JARID2: variants seen among roughly 807,000 people sequenced by gnomAD.
JARID2 encodes protein Jumonji.
In JARID2, 21 loss-of-function variants were observed where a neutral mutation model predicts 125.6. The observed-to-expected ratio is 0.17, with a 90% CI of 0.12 to 0.24. JARID2 has a LOEUF of 0.24. Among genes scored for constraint, JARID2 ranks in the 10% least tolerant of loss-of-function variants. JARID2 has a pLI of 1.00. For synonymous variants in JARID2, 736 were observed against 661.6 expected, an observed-to-expected ratio of 1.11 and a Z score of -1.73; for missense variants, 1,303 against 1,639.6, an observed-to-expected ratio of 0.79 and a Z score of 3.55.
At position 15,405,962 on chromosome 6, in the gene JARID2, C is replaced by T. The variant is rs985965582; in HGVS notation, c.182-4262C>T. 4.6e-5 allele frequency among the ~76,000 whole-genome samples: 7 copies of T among 152,000 alleles called. No homozygotes were observed. The East Asian group carries it at 1.2e-3, about 25-fold the overall frequency. ...GGTAGCCAGTACAGTGGAGATTGGT[C>T]GCCAGCGGGGGGGTTAGATAAAGAA... On this transcript the variant is annotated intron_variant, in intron 2 of 17. Coordinates refer to ENST00000341776, the MANE Select transcript of JARID2 (RefSeq NM_004973.4).
At chr6:15,305,135 G>A (rs1761773719) in intron 1 of JARID2, among the ~76,000 whole-genome samples, 1 of 152,166 alleles carries the variant, frequency 6.6e-6, no homozygotes, top group South Asian at 2.1e-4. Flanking sequence ...GCCTGGGCTT[G>A]AGGAAGTTGT....
intron 1 of JARID2, among the ~76,000 whole-genome samples, chr6:15,320,275 A>G (rs938283320): frequency 1.3e-5 from 2 of 152,234 alleles, no homozygotes; most frequent in Non-Finnish European, 2.9e-5. Context: ...AGACACAGGT[A>G]AGGTGTTGGT....
At chr6:15,480,230 C>T (rs554895772) in intron 5 of JARID2, among the ~76,000 whole-genome samples, 43 of 152,188 alleles carry the variant, frequency 2.8e-4, no homozygotes, top group African/African-American at 9.2e-4. Context: ...GGGGTTAGTT[C>T]GGTCCCATCT....
chr6:15,473,243 T>C (rs1046291567), intron 5 of JARID2, among the ~76,000 whole-genome samples: 29 of 152,188 alleles, frequency 1.9e-4, no homozygotes, highest in African/African-American at 6.5e-4. Flanking sequence ...TAAGATTAAC[T>C]TCTGTATAAA....
At chr6:15,279,897 A>G (rs1760685180) in intron 1 of JARID2, among the ~76,000 whole-genome samples, 1 of 152,198 alleles carries the variant, frequency 6.6e-6, no homozygotes, top group South Asian at 2.1e-4. Flanking sequence ...TTGTTATCCT[A>G]ATTTTGCATT....
intron 3 of JARID2, among the ~76,000 whole-genome samples, chr6:15,436,580 T>G (rs1188467331): frequency 6.6e-6 from 1 of 152,132 alleles, no homozygotes; most frequent in Non-Finnish European, 1.5e-5. Flanking sequence ...CTTCCTCACT[T>G]AGGTCTTGGG....
chr6:15,433,261 T>C (rs1767044389), intron 3 of JARID2, among the ~76,000 whole-genome samples: 1 of 152,190 alleles, frequency 6.6e-6, no homozygotes, highest in South Asian at 2.1e-4. Context: ...TTCCTTTGTG[T>C]GTCCCCAAAT....
intron 3 of JARID2, among the ~76,000 whole-genome samples, chr6:15,449,877 A>G (rs1364143580): frequency 5.9e-5 from 9 of 152,166 alleles, no homozygotes. Context: ...AGGACATACA[A>G]GGGAATTTAA....
rs985309984 is a variant in JARID2, at chr6:15,420,562, A to G, written c.323+10197A>G. ...TTCCATTATTTACAAAACAGTTTTG[A>G]TTGATTAATCTTCCTCCTCATCAGT... is the stretch of plus-strand genomic sequence containing the variant. On this transcript the variant is annotated intron_variant, in intron 3 of 17. Coordinates refer to ENST00000341776, the MANE Select transcript of JARID2 (RefSeq NM_004973.4). 1.6e-4 allele frequency among the ~76,000 whole-genome samples: 24 copies of G among 152,252 alleles called. No individual in the cohort carries two copies. The East Asian group carries it at 4.4e-3, about 28-fold the overall frequency.
At chr6:15,309,979 C>T (rs2127425085) in intron 1 of JARID2, among the ~76,000 whole-genome samples, 1 of 152,268 alleles carries the variant, frequency 6.6e-6, no homozygotes, top group East Asian at 1.9e-4. Context: ...TAGAAAGCTT[C>T]TTCTTCCAAA....
chr6:15,507,514 G>A lies in JARID2; in HGVS notation c.2731+98G>A. 4 of 940,572 alleles carry A rather than the reference G, an allele frequency of 4.3e-6. No individual in the cohort carries two copies. In the East Asian group the frequency reaches 7.2e-5, roughly 17 times the overall value. 58.3% of individuals were successfully genotyped at this position (940,572 alleles called of 1,614,324 possible). A position where few individuals can be genotyped will look rare whatever the true frequency, so the allele number is the denominator to read the frequency against. On this transcript the variant is annotated intron_variant, in intron 11 of 17. Transcript: ENST00000341776. ...GAAATCCCTTCTAAGCACTGCCGGG[G>A]AGGGATGGCGTCTTCAGGCTTACAG...
chr6:15,416,356 T>A (rs1437210520), intron 3 of JARID2, among the ~76,000 whole-genome samples: 1 of 151,246 alleles, frequency 6.6e-6, no homozygotes, highest in African/African-American at 2.4e-5. Flanking sequence ...GTGGAGTTTG[T>A]AGCGAGCCGA....
chr6:15,482,344 A>T (rs1256700479), intron 5 of JARID2, among the ~76,000 whole-genome samples: 4 of 152,234 alleles, frequency 2.6e-5, no homozygotes, highest in Non-Finnish European at 4.4e-5. Flanking sequence ...AAAGGCTTTT[A>T]TTAATGTGGA....
chr6:15,263,074 T>TTGTGTGTGTG (rs561238062), intron 1 of JARID2, among the ~76,000 whole-genome samples: 15 of 139,812 alleles, frequency 1.1e-4, no homozygotes, highest in South Asian at 7.0e-4. Context: ...GGGTGTGTGT[T>TTGTGTGTGTG]TGTGTGTGTG....
At chr6:15,354,961 T>G (rs994833725) in intron 1 of JARID2, among the ~76,000 whole-genome samples, 2 of 152,144 alleles carry the variant, frequency 1.3e-5, no homozygotes, top group African/African-American at 4.8e-5. Flanking sequence ...AAAACTTGAT[T>G]AGGCTGCGGA....
chr6:15,288,136 G>T (rs1040661931), intron 1 of JARID2, among the ~76,000 whole-genome samples: 3 of 152,172 alleles, frequency 2.0e-5, no homozygotes, highest in African/African-American at 4.8e-5. Flanking sequence ...TTGCTCTAAG[G>T]AATACCTCAG....
In JARID2 at chr6:15,487,477, A is replaced by G. The variant is rs1439905189; in HGVS notation, c.841A>G (p.Lys281Glu). 6.2e-7 allele frequency: 1 copy of G among 1,614,080 alleles called. No individual in the cohort carries two copies. The highest frequency in any genetic ancestry group is 1.3e-5 in the African/African-American group (1 of 74,942). ...GGCCCCCTCCACGGGTTCCTCGGCC[A>G]AGGGGCTTGCTGCCACCCATCACCA... ...AAAPSTGSSA[K>E]GLAATHHHPP... is the part of the protein sequence containing the mutation. Residue 281 changes from lysine (K) to glutamate (E), a missense_variant, in exon 6 of 18, where the codon AAG (lysine) becomes GAG (glutamate). Physicochemically the swap from Lys to Glu is moderately conservative, Grantham distance 56. Coordinates refer to ENST00000341776, the MANE Select transcript of JARID2 (RefSeq NM_004973.4).
At chr6:15,510,349 C>A (rs962053211) in intron 12 of JARID2, among the ~76,000 whole-genome samples, 6 of 152,150 alleles carry the variant, frequency 3.9e-5, no homozygotes, top group African/African-American at 1.4e-4. Context: ...CCCCTCACAT[C>A]CCCCTCATTC....
At chr6:15,450,080 T>G (rs534852149) in intron 3 of JARID2, among the ~76,000 whole-genome samples, 1 of 152,348 alleles carries the variant, frequency 6.6e-6, no homozygotes, top group East Asian at 1.9e-4. Flanking sequence ...ATCAACAGTT[T>G]AAGATAAATG....
Sources: gnomAD v4.1 joint callset for allele counts (sites outside exome capture counted in the v4.1 genomes callset) on GRCh38, gnomAD v4.1.1 for gene constraint, MANE v1.5 for transcripts, NCBI Gene and HGNC (gene_info 2026-07-23, HGNC 2026-07-21) for gene names.